TRIM24: variants seen among roughly 807,000 people sequenced by gnomAD.
The protein encoded by TRIM24 is transcription intermediary factor 1-alpha.
A neutral mutation model predicts 123.9 loss-of-function variants in TRIM24; 29 were observed. The ratio of observed to expected loss-of-function variants is 0.23; its 90% CI spans 0.17 to 0.32. The LOEUF (loss-of-function observed/expected upper bound fraction) is 0.32, where lower values mean the gene tolerates loss of function less well. Among genes scored for constraint, TRIM24 ranks in the 10% least tolerant of loss-of-function variants. The pLI, the probability that TRIM24 is intolerant of heterozygous loss-of-function variation, is 1.00. For missense variants in TRIM24, 932 were observed against 1,295.3 expected (o/e 0.72, Z 4.31); for synonymous variants, 456 against 461.1 (o/e 0.99, Z 0.14).
chr7:138,472,844 G>A (rs1795301822), intron 1 of TRIM24, among the ~76,000 whole-genome samples: 1 of 151,992 alleles, frequency 6.6e-6, no homozygotes, highest in African/African-American at 2.4e-5. Flanking sequence ...GATCTTGGTT[G>A]GTTTACATTC....
At chr7:138,523,315 G>A (rs929573230) in intron 4 of TRIM24, among the ~76,000 whole-genome samples, 5 of 152,178 alleles carry the variant, frequency 3.3e-5, no homozygotes, top group South Asian at 2.1e-4. Context: ...AAAACTTAGA[G>A]AATGAAGCTT....
At chr7:138,568,014 T>C (rs73164647) in intron 10 of TRIM24, among the ~76,000 whole-genome samples, 16,506 of 152,262 alleles carry the variant, frequency 0.11, 1,040 homozygotes, top group South Asian at 0.16. Context: ...CTCAAGAAGA[T>C]TTCTTGGAAA....
intron 2 of TRIM24, among the ~76,000 whole-genome samples, chr7:138,507,858 A>C (rs555051418): frequency 6.6e-6 from 1 of 152,134 alleles, no homozygotes; most frequent in African/African-American, 2.4e-5. Flanking sequence ...ACCTGTGCTC[A>C]AGAAGATGGA....
At chr7:138,578,922 A>G (rs1448016213) in intron 14 of TRIM24, among the ~76,000 whole-genome samples, 2 of 148,314 alleles carry the variant, frequency 1.3e-5, no homozygotes, top group Non-Finnish European at 3.0e-5. Context: ...CCAGTGAGGT[A>G]TATATATATA....
At chr7:138,495,104 GAA>G (rs1358568737) in intron 1 of TRIM24, among the ~76,000 whole-genome samples, 4 of 152,120 alleles carry the variant, frequency 2.6e-5, no homozygotes, top group Non-Finnish European at 4.4e-5. Flanking sequence ...AAAGGAAAAA[GAA>G]ATATTCGCAT....
chr7:138,525,119 GT>G, intron 4 of TRIM24, 121 bp from the exon 5 acceptor site: 1 of 470,156 alleles, frequency 2.1e-6, no homozygotes, highest in Non-Finnish European at 3.7e-6. Flanking sequence ...TACGTTTGAT[GT>G]TTTAAAAGAT....
intron 6 of TRIM24, among the ~76,000 whole-genome samples, chr7:138,530,611 T>C (rs868054616): frequency 4.0e-4 from 60 of 151,804 alleles, no homozygotes; most frequent in Middle Eastern, 3.4e-3. Flanking sequence ...GGACTACAAG[T>C]GTATGCCACC....
At chr7:138,492,048 T>C (rs960947933) in intron 1 of TRIM24, among the ~76,000 whole-genome samples, 1 of 151,544 alleles carries the variant, frequency 6.6e-6, no homozygotes, top group Admixed American at 6.6e-5. Context: ...GCAGGGTCAC[T>C]TGAGCCCAGG....
At chr7:138,470,538 G>C (rs900319402) in intron 1 of TRIM24, among the ~76,000 whole-genome samples, 2 of 152,164 alleles carry the variant, frequency 1.3e-5, no homozygotes, top group Non-Finnish European at 2.9e-5. Context: ...CAGGCCTCTG[G>C]CATAAAACCC....
At chr7:138,524,131 T>A (rs1005412450) in intron 4 of TRIM24, among the ~76,000 whole-genome samples, 2 of 152,136 alleles carry the variant, frequency 1.3e-5, no homozygotes, top group African/African-American at 4.8e-5. Context: ...AAAAAGTATA[T>A]GCCTATCTCA....
chr7:138,524,643 A>C (rs73164640), intron 4 of TRIM24, among the ~76,000 whole-genome samples: 11,982 of 152,202 alleles, frequency 0.079, 610 homozygotes, highest in Non-Finnish European at 0.12. Context: ...TTGCCTTTCT[A>C]TCTTCTCTAG....
At chr7:138,540,022 G>T (rs767113068) in intron 7 of TRIM24, among the ~76,000 whole-genome samples, 1 of 152,074 alleles carries the variant, frequency 6.6e-6, no homozygotes, top group Admixed American at 6.6e-5. Context: ...GGATGGTCCC[G>T]ATCTCCTGAG....
At chr7:138,485,482 T>A (rs539078050) in intron 1 of TRIM24, among the ~76,000 whole-genome samples, 1 of 152,274 alleles carries the variant, frequency 6.6e-6, no homozygotes, top group African/African-American at 2.4e-5. Context: ...TAGGTATTTC[T>A]CTTAATGCTG....
chr7:138,575,591 A>G (rs182889242), intron 12 of TRIM24, among the ~76,000 whole-genome samples: 73 of 151,662 alleles, frequency 4.8e-4, no homozygotes, highest in African/African-American at 1.7e-3. Flanking sequence ...CCTGTTGTTC[A>G]TCAAACCTTT....
intron 1 of TRIM24, among the ~76,000 whole-genome samples, chr7:138,479,708 A>G (rs1049107964): frequency 6.8e-6 from 1 of 148,038 alleles, no homozygotes; most frequent in African/African-American, 2.4e-5. Context: ...GGGTTTCTCC[A>G]TGTTGGTCAG....
intron 3 of TRIM24, among the ~76,000 whole-genome samples, chr7:138,515,582 A>G (rs1388308479): frequency 2.0e-5 from 3 of 152,220 alleles, no homozygotes; most frequent in East Asian, 3.8e-4. Flanking sequence ...TCCTGCTTCT[A>G]TAAATGTCTT....
chr7:138,499,339 A>G (rs1202813982), intron 1 of TRIM24, among the ~76,000 whole-genome samples: 2 of 152,156 alleles, frequency 1.3e-5, no homozygotes, highest in African/African-American at 4.8e-5. Context: ...CTTGGGCTGT[A>G]TTTTTACTAC....
chr7:138,527,283 T>A (rs1012572061), intron 5 of TRIM24, among the ~76,000 whole-genome samples: 1 of 152,232 alleles, frequency 6.6e-6, no homozygotes, highest in Non-Finnish European at 1.5e-5. Flanking sequence ...GATTTGTGCT[T>A]TTTTTCTTCT....
At chr7:138,544,647 C>T (rs998996548) in intron 7 of TRIM24, among the ~76,000 whole-genome samples, 2 of 152,154 alleles carry the variant, frequency 1.3e-5, no homozygotes, top group Non-Finnish European at 2.9e-5. Flanking sequence ...ACAAAGGGTT[C>T]CTTTTATCCG....
Sources: gnomAD v4.1 joint callset for allele counts (sites outside exome capture counted in the v4.1 genomes callset) on GRCh38, gnomAD v4.1.1 for gene constraint, MANE v1.5 for transcripts, NCBI Gene and HGNC (gene_info 2026-07-23, HGNC 2026-07-21) for gene names.